The following FOCAD variants were observed in gnomAD, a reference collection of about 807,000 sequenced individuals.
The protein encoded by FOCAD is KIAA1797.
Under a neutral mutation model 225.6 loss-of-function variants are expected in FOCAD, and 198 were observed. The observed-to-expected ratio is 0.88, with a 90% CI of 0.78 to 0.99. The LOEUF is 0.99. FOCAD is among the 50% of genes least tolerant of loss of function. The pLI, the probability that FOCAD is intolerant of heterozygous loss-of-function variation, is 0.00. For missense variants in FOCAD, 2,713 were observed against 2,123.6 expected, an observed-to-expected ratio of 1.28 and a Z score of -5.46; for synonymous variants, 897 against 755.0, an observed-to-expected ratio of 1.19 and a Z score of -3.08.
At chr9:20,895,691 A>T (rs886226796) in intron 21 of FOCAD, among the ~76,000 whole-genome samples, 3 of 151,846 alleles carry the variant, frequency 2.0e-5, no homozygotes, top group Non-Finnish European at 2.9e-5. Context: ...GCTGTCATAT[A>T]GGAAAGCAAT....
chr9:20,815,849 C>T (rs1823676349), intron 11 of FOCAD, among the ~76,000 whole-genome samples: 1 of 152,058 alleles, frequency 6.6e-6, no homozygotes, highest in Non-Finnish European at 1.5e-5. Context: ...AATTACATCT[C>T]AAGTAAATAC....
chr9:20,936,120 C>G (rs930368910), intron 28 of FOCAD, among the ~76,000 whole-genome samples: 6 of 152,310 alleles, frequency 3.9e-5, no homozygotes, highest in African/African-American at 1.4e-4. Flanking sequence ...GTTTTTTAGA[C>G]TTCCATGCGT....
chr9:20,993,740 G>A (rs1841856790), intron 43 of FOCAD, among the ~76,000 whole-genome samples: 1 of 152,150 alleles, frequency 6.6e-6, no homozygotes, highest in Non-Finnish European at 1.5e-5. Flanking sequence ...GGGATGCTCA[G>A]CCTATATTGG....
At chr9:20,798,248 C>G (rs1214070681) in intron 11 of FOCAD, among the ~76,000 whole-genome samples, 1 of 152,148 alleles carries the variant, frequency 6.6e-6, no homozygotes, top group Non-Finnish European at 1.5e-5. Flanking sequence ...ATTTGGTTTG[C>G]CAGTATTTTA....
At chr9:20,674,397 C>T (rs1282413582) in intron 2 of FOCAD, among the ~76,000 whole-genome samples, 2 of 152,160 alleles carry the variant, frequency 1.3e-5, no homozygotes, top group African/African-American at 4.8e-5. Flanking sequence ...TTGGCAAACA[C>T]TACACATCAG....
intron 11 of FOCAD, among the ~76,000 whole-genome samples, chr9:20,815,137 G>GTTTTTGTTTTTTTTTTTTT (rs1823563180): frequency 1.4e-5 from 1 of 69,116 alleles, no homozygotes; most frequent in African/African-American, 6.0e-5. Context: ...TTTTTTTTTT[G>GTTTTTGTTTTTTTTTTTTT]TTTTTTTTTT....
At chr9:20,880,779 G>A (rs1017293139) in intron 19 of FOCAD, among the ~76,000 whole-genome samples, 1 of 152,084 alleles carries the variant, frequency 6.6e-6, no homozygotes, top group Non-Finnish European at 1.5e-5. Flanking sequence ...CAGTTAGGTG[G>A]ACCCTTGCTT....
chr9:20,905,356 A>AT (rs1832868129), intron 21 of FOCAD, among the ~76,000 whole-genome samples: 1 of 151,866 alleles, frequency 6.6e-6, no homozygotes, highest in Non-Finnish European at 1.5e-5. Flanking sequence ...TTTCATTTAC[A>AT]TTTTTTCCAT....
chr9:20,698,400 G>A (rs1465858531), intron 1 of FOCAD, among the ~76,000 whole-genome samples: 2 of 151,710 alleles, frequency 1.3e-5, no homozygotes, highest in Admixed American at 6.6e-5. Flanking sequence ...ACATATATGT[G>A]TATTTATTTT....
intron 15 of FOCAD, among the ~76,000 whole-genome samples, chr9:20,855,794 C>CTTTT (rs369187873): frequency 6.1e-5 from 8 of 131,818 alleles, no homozygotes; most frequent in Admixed American, 1.5e-4. Flanking sequence ...CCCCTATATT[C>CTTTT]TTTTTTTTTT....
intron 21 of FOCAD, among the ~76,000 whole-genome samples, chr9:20,904,725 G>A (rs763026940): frequency 5.9e-5 from 9 of 152,000 alleles, no homozygotes; most frequent in Non-Finnish European, 8.8e-5. Context: ...AAAACTGAGT[G>A]AGACAGTGGT....
chr9:20,780,926 G>T (rs1013023342), intron 9 of FOCAD, among the ~76,000 whole-genome samples: 4 of 152,156 alleles, frequency 2.6e-5, no homozygotes, highest in Non-Finnish European at 4.4e-5. Context: ...ATGTAAAATA[G>T]AATGCTGACA....
chr9:20,903,838 TGTTA>T (rs576255286), intron 21 of FOCAD, among the ~76,000 whole-genome samples: 59 of 152,102 alleles, frequency 3.9e-4, no homozygotes, highest in African/African-American at 1.3e-3. Flanking sequence ...TATTTGGAAA[TGTTA>T]GTTCCAAAAC....
intron 11 of FOCAD, among the ~76,000 whole-genome samples, chr9:20,796,554 T>C (rs1262571476): frequency 1.3e-5 from 2 of 152,230 alleles, no homozygotes; most frequent in African/African-American, 4.8e-5. Flanking sequence ...TTTGCATTTC[T>C]CTGATGGCCA....
intron 35 of FOCAD, among the ~76,000 whole-genome samples, chr9:20,962,527 C>G (rs1838846119): frequency 6.6e-6 from 1 of 151,966 alleles, no homozygotes; most frequent in African/African-American, 2.4e-5. Context: ...GTCCAAACCA[C>G]AAAAGCAATA....
rs76035247 is a variant in FOCAD, at chr9:20,708,408, C to T, written c.-32-6914C>T. On this transcript the variant is annotated intron_variant, in intron 1 of 43. Coordinates refer to ENST00000338382, the MANE Select transcript of FOCAD (RefSeq NM_001375567.1). ...AGAGCCCATTAATGTGAATGAAGTA[C>T]TTATTTTTTTATCAGCCATTTTATC... is the stretch of plus-strand genomic sequence containing the variant. 2.4e-3 allele frequency among the ~76,000 whole-genome samples: 360 copies of T among 152,176 alleles called. 2 individuals are homozygous for T. Among genetic ancestry groups the T allele is most frequent in the Middle Eastern group, 0.017 (5 of 294 alleles).
intron 1 of FOCAD, among the ~76,000 whole-genome samples, chr9:20,701,155 C>G (rs921008773): frequency 6.6e-6 from 1 of 152,204 alleles, no homozygotes; most frequent in African/African-American, 2.4e-5. Context: ...TCCTCATATT[C>G]CCTCTGCCTG....
intron 15 of FOCAD, among the ~76,000 whole-genome samples, chr9:20,823,714 G>T (rs1267284563): frequency 1.3e-5 from 2 of 152,050 alleles, no homozygotes; most frequent in African/African-American, 4.8e-5. Flanking sequence ...CAAAGGTTTT[G>T]ACTTAGTGAA....
intron 8 of FOCAD, among the ~76,000 whole-genome samples, chr9:20,777,289 C>CT (rs575917866): frequency 1.8e-3 from 253 of 138,930 alleles, no homozygotes; most frequent in African/African-American, 6.2e-3. Flanking sequence ...TACAGATTTC[C>CT]TTTTTTTCCT....
Sources: gnomAD v4.1 joint callset for allele counts (sites outside exome capture counted in the v4.1 genomes callset) on GRCh38, gnomAD v4.1.1 for gene constraint, MANE v1.5 for transcripts, NCBI Gene and HGNC (gene_info 2026-07-23, HGNC 2026-07-21) for gene names.